Variants in DYM observed in about 807,000 individuals in gnomAD.
The protein encoded by DYM is dyggve-Melchior-Clausen syndrome protein.
A neutral mutation model predicts 93.1 loss-of-function variants in DYM; 78 were observed. The observed-to-expected ratio is 0.84, with a 90% CI of 0.70 to 1.01. The LOEUF is 1.01. DYM is among the 50% of genes least tolerant of loss of function. DYM has a pLI of 0.00. For synonymous variants in DYM, 321 were observed against 319.7 expected, an observed-to-expected ratio of 1.00 and a Z score of -0.04; for missense variants, 789 against 845.0, an observed-to-expected ratio of 0.93 and a Z score of 0.82.
intron 2 of DYM, among the ~76,000 whole-genome samples, chr18:49,420,686 G>A (rs117898212): frequency 0.019 from 2,815 of 152,154 alleles, 46 homozygotes; most frequent in Middle Eastern, 0.044. Context: ...GACAGTGGGT[G>A]CAGCCTGTGG....
At chr18:49,428,656 A>G (rs181119787) in intron 2 of DYM, among the ~76,000 whole-genome samples, 15 of 152,326 alleles carry the variant, frequency 9.8e-5, no homozygotes, top group Admixed American at 9.1e-4. Context: ...ACTGAACTCT[A>G]GCAGACTGAG....
chr18:49,097,873 A>AGCTC (rs369123357), intron 16 of DYM, among the ~76,000 whole-genome samples: 1,615 of 60,060 alleles, frequency 0.027, 24 homozygotes, highest in African/African-American at 0.079. Context: ...GCTTAATATT[A>AGCTC]GCTCTCTCTC....
intron 13 of DYM, among the ~76,000 whole-genome samples, chr18:49,212,197 A>G (rs1019498895): frequency 2.0e-5 from 3 of 152,240 alleles, no homozygotes; most frequent in African/African-American, 4.8e-5. Context: ...ATTAAAAAAG[A>G]TGAAAGAAGA....
At chr18:49,362,541 G>C (rs936601274) in intron 6 of DYM, among the ~76,000 whole-genome samples, 1 of 152,144 alleles carries the variant, frequency 6.6e-6, no homozygotes, top group African/African-American at 2.4e-5. Context: ...AGAATTTTCT[G>C]TAAGTCTCTT....
chr18:49,080,581 G>A (rs1209381735), intron 17 of DYM, among the ~76,000 whole-genome samples: 17 of 143,314 alleles, frequency 1.2e-4, no homozygotes, highest in African/African-American at 3.1e-4. Flanking sequence ...GCGGCTGGCC[G>A]GGCGGGGGCT....
intron 15 of DYM, among the ~76,000 whole-genome samples, chr18:49,128,619 AT>A (rs2083066872): frequency 6.6e-6 from 1 of 152,104 alleles, no homozygotes; most frequent in South Asian, 2.1e-4. Flanking sequence ...TACTTACATA[AT>A]TTTTTAAAAC....
chr18:49,373,747 C>A (rs564328563), intron 5 of DYM, among the ~76,000 whole-genome samples: 3 of 152,130 alleles, frequency 2.0e-5, no homozygotes, highest in African/African-American at 7.2e-5. Context: ...AAAATATGCA[C>A]ATTTTGTAGG....
chr18:49,097,286 C>G (rs1734748983), intron 17 of DYM, 116 bp downstream of exon 17: 1 of 897,766 alleles, frequency 1.1e-6, no homozygotes, highest in Non-Finnish European at 1.8e-6. Context: ...TCTGAGGAGC[C>G]CTTCTAGTCT....
chr18:49,439,545 G>C (rs1353820593), intron 1 of DYM, among the ~76,000 whole-genome samples: 1 of 152,224 alleles, frequency 6.6e-6, no homozygotes, highest in Non-Finnish European at 1.5e-5. Flanking sequence ...TCAATCTCCA[G>C]CATACTGCTA....
chr18:49,121,695 C>A (rs1318434828), intron 15 of DYM, among the ~76,000 whole-genome samples: 1 of 152,092 alleles, frequency 6.6e-6, no homozygotes, highest in African/African-American at 2.4e-5. Flanking sequence ...AAAACCCACA[C>A]ACATTAAATA....
chr18:49,416,512 C>T (rs1406882165), intron 2 of DYM, among the ~76,000 whole-genome samples: 2 of 152,148 alleles, frequency 1.3e-5, no homozygotes, highest in Admixed American at 6.5e-5. Flanking sequence ...GAACTCTAAG[C>T]TCATTAAGTA....
intron 8 of DYM, among the ~76,000 whole-genome samples, chr18:49,294,803 C>G (rs551658757): frequency 6.6e-6 from 1 of 152,132 alleles, no homozygotes; most frequent in African/African-American, 2.4e-5. Context: ...AAAAAAGATA[C>G]TATGCACTGT....
intron 8 of DYM, among the ~76,000 whole-genome samples, chr18:49,326,407 A>AAT (rs2062881339): frequency 6.6e-6 from 1 of 152,092 alleles, no homozygotes; most frequent in Non-Finnish European, 1.5e-5. Flanking sequence ...TAAATATATT[A>AAT]ATATATAATT....
chr18:49,123,030 T>G (rs1020460423), intron 15 of DYM, among the ~76,000 whole-genome samples: 2 of 152,238 alleles, frequency 1.3e-5, no homozygotes, highest in Non-Finnish European at 2.9e-5. Flanking sequence ...CTCACAGTCA[T>G]GTTCTTACTT....
intron 1 of DYM, among the ~76,000 whole-genome samples, chr18:49,443,825 A>G (rs986280300): frequency 6.6e-6 from 1 of 152,238 alleles, no homozygotes; most frequent in Non-Finnish European, 1.5e-5. Flanking sequence ...GTATTTGCCA[A>G]TGGTGAGTTA....
At chr18:49,188,541 G>C (rs973017453) in intron 14 of DYM, among the ~76,000 whole-genome samples, 1 of 152,114 alleles carries the variant, frequency 6.6e-6, no homozygotes, top group Non-Finnish European at 1.5e-5. Context: ...CCTTTGTAGG[G>C]ACATGGATGA....
At chr18:49,167,001 TGTGTGTGTG>T (rs1236467222) in intron 14 of DYM, among the ~76,000 whole-genome samples, 1 of 128,266 alleles carries the variant, frequency 7.8e-6, no homozygotes, top group Admixed American at 7.3e-5. Flanking sequence ...TGTGTGTGTG[TGTGTGTGTG>T]TGTGTGTGTG....
chr18:49,289,769 A>ACG lies in DYM; in HGVS notation c.764-3154_764-3153insCG, dbSNP rs1426773066. 3.6e-3 allele frequency among the ~76,000 whole-genome samples: 169 copies of ACG among 47,400 alleles called. 1 individual carries two copies. Among genetic ancestry groups the ACG allele is most frequent in the African/African-American group, 0.013 (158 of 11,818 alleles). The allele number at this position is 47,400 out of a possible 152,430, so 31.1% of individuals were successfully genotyped here. A position where few individuals can be genotyped will look rare whatever the true frequency, so the allele number is the denominator to read the frequency against. On this transcript the variant is annotated intron_variant, in intron 8 of 17. Transcript: ENST00000675505. ...TATATATATATATATATATATATAT[A>ACG]TATACACATATATATATATACACAC... is the stretch of plus-strand genomic sequence containing the variant.
intron 6 of DYM, among the ~76,000 whole-genome samples, chr18:49,348,613 A>T (rs1375250064): frequency 6.8e-6 from 1 of 147,692 alleles, no homozygotes; most frequent in Non-Finnish European, 1.5e-5. Context: ...ATGATTTATA[A>T]AAAAAAAAAA....
Sources: gnomAD v4.1 joint callset for allele counts (sites outside exome capture counted in the v4.1 genomes callset) on GRCh38, gnomAD v4.1.1 for gene constraint, MANE v1.5 for transcripts, NCBI Gene and HGNC (gene_info 2026-07-23, HGNC 2026-07-21) for gene names.